The following MTRF1 variants were observed in gnomAD, a reference collection of about 807,000 sequenced individuals.
The protein encoded by MTRF1 is mitochondrial translation release factor 1.
MTRF1 carries 51 observed loss-of-function variants against 62.9 expected under a neutral mutation model. The observed-to-expected ratio is 0.81, with a 90% CI of 0.65 to 1.02. The LOEUF (loss-of-function observed/expected upper bound fraction) is 1.02, where lower values mean the gene tolerates loss of function less well. MTRF1 is among the 50% of genes least tolerant of loss of function. The probability of loss-of-function intolerance (pLI) is 0.00; values close to 1 mark genes in which losing one functional copy is unlikely to be tolerated. For missense variants in MTRF1, 446 were observed against 530.0 expected, an observed-to-expected ratio of 0.84 and a Z score of 1.56; for synonymous variants, 158 against 181.9, an observed-to-expected ratio of 0.87 and a Z score of 1.06.
At chr13:41,217,389 C>T (rs986496686) in intron 9 of MTRF1, among the ~76,000 whole-genome samples, 161 bp from the exon 10 acceptor site, 4 of 152,146 alleles carry the variant, frequency 2.6e-5, no homozygotes, top group African/African-American at 9.7e-5. Context: ...TGGGAAGATC[C>T]CCACTCTGTA....
the MTRF1 span, among the ~76,000 whole-genome samples, chr13:41,275,498 CTT>C: frequency 7.2e-6 from 1 of 139,220 alleles, no homozygotes; most frequent in African/African-American, 2.6e-5. Context: ...CCGTGCCCGG[CTT>C]TTTTTTTTTG....
At chr13:41,250,683 G>A (rs1361622504) in intron 5 of MTRF1, among the ~76,000 whole-genome samples, 1 of 152,050 alleles carries the variant, frequency 6.6e-6, no homozygotes, top group Non-Finnish European at 1.5e-5. Flanking sequence ...TAGTACAGAC[G>A]GGGTTTTACC....
In MTRF1 at chr13:41,252,647, T is replaced by C. The variant is rs746058316; in HGVS notation, c.695A>G (p.Tyr232Cys). The C allele has an allele frequency of 1.2e-6, 2 of 1,608,120 alleles. No homozygotes were observed. The highest frequency in any genetic ancestry group is 3.3e-4 in the Middle Eastern group (2 of 6,042). The change falls in exon 5 of 10, where the codon TAT becomes TGT. Residue 232 changes from tyrosine to cysteine, a missense_variant and splice_region_variant. Transcript: ENST00000379480. The part of the protein sequence containing the change: ...FELLNYTPAD[Y>C]GGLHHAAARI... Reference sequence around the variant, plus strand: ...GGCAAATTCCTCAATATGCCTACCATAATCTGCTGGTGTATAATTCAGAAG... The same window carrying C: ...GGCAAATTCCTCAATATGCCTACCACAATCTGCTGGTGTATAATTCAGAAG...
chr13:41,311,313 C>A, the MTRF1 span: 2 of 552,194 alleles, frequency 3.6e-6, no homozygotes, highest in Non-Finnish European at 6.3e-6. Context: ...AAAAGCGGAG[C>A]CCAGGGGAAG....
intron 5 of MTRF1, among the ~76,000 whole-genome samples, chr13:41,245,075 T>A (rs1036165821): frequency 2.0e-5 from 3 of 152,168 alleles, no homozygotes; most frequent in Non-Finnish European, 2.9e-5. Flanking sequence ...TTCAAAAAAA[T>A]TTTCCTTTTT....
chr13:41,244,511 C>A (rs1272520422), intron 5 of MTRF1, among the ~76,000 whole-genome samples: 1 of 152,120 alleles, frequency 6.6e-6, no homozygotes, highest in East Asian at 1.9e-4. Flanking sequence ...TCAAGGGTGG[C>A]CCCCCAGGAT....
At position 41,226,520 on chromosome 13, in the gene MTRF1, T is replaced by G. The variant is rs941775488; in HGVS notation, c.1037A>C (p.Glu346Ala). Residue 346 changes from glutamate to alanine, a missense_variant, in exon 8 of 10, where the codon GAA becomes GCA. Physicochemically the swap from Glu to Ala is moderately radical, Grantham distance 107. Coordinates refer to ENST00000379480, the MANE Select transcript of MTRF1 (RefSeq NM_004294.4). ...QQERSQIKNK[E>A]IAFRVLRARL... is the part of the protein sequence containing the mutation. ...AGCTCTCAACACACGAAAGGCTATT[T>G]CTTTATTTTTTATCTGTGATCTTTC... 1.2e-6 allele frequency: 2 copies of G among 1,613,874 alleles called. No individual in the cohort carries two copies. The highest frequency in any genetic ancestry group is 2.7e-5 in the African/African-American group (2 of 74,938).
At chr13:41,289,647 A>G in the MTRF1 span, among the ~76,000 whole-genome samples, 1 of 152,192 alleles carries the variant, frequency 6.6e-6, no homozygotes, top group African/African-American at 2.4e-5. Flanking sequence ...GGTCATGGTC[A>G]CTGTTTGATG....
chr13:41,302,177 C>T, the MTRF1 span, among the ~76,000 whole-genome samples: 4 of 152,032 alleles, frequency 2.6e-5, no homozygotes, highest in Non-Finnish European at 4.4e-5. Flanking sequence ...CAGGTACCCA[C>T]CACCACCATG....
chr13:41,294,917 A>G, the MTRF1 span, among the ~76,000 whole-genome samples: 1 of 152,198 alleles, frequency 6.6e-6, no homozygotes, highest in Non-Finnish European at 1.5e-5. Context: ...TGTTAGAATA[A>G]AGCAAGTTTT....
At chr13:41,218,184 C>A (rs9590575) in intron 9 of MTRF1, among the ~76,000 whole-genome samples, 1 of 150,538 alleles carries the variant, frequency 6.6e-6, no homozygotes, top group African/African-American at 2.4e-5. Flanking sequence ...GGTGTGATCT[C>A]GGCTCACTGC....
chr13:41,308,430 G>A, the MTRF1 span, among the ~76,000 whole-genome samples: 3 of 152,222 alleles, frequency 2.0e-5, no homozygotes, highest in Non-Finnish European at 4.4e-5. Flanking sequence ...TTCTGATGAT[G>A]TAGATAAATG....
chr13:41,311,620 CCGGGTCCT>C, the MTRF1 span: 3 of 1,584,600 alleles, frequency 1.9e-6, no homozygotes, highest in South Asian at 1.1e-5. Context: ...CCCCCGGTCC[CCGGGTCCT>C]CGGGCCTTAA....
At chr13:41,255,778 G>A (rs1456482325) in intron 2 of MTRF1, among the ~76,000 whole-genome samples, 3 of 152,114 alleles carry the variant, frequency 2.0e-5, no homozygotes, top group Admixed American at 6.5e-5. Context: ...GCCTTTTTCT[G>A]TTATTTCCAA....
chr13:41,233,814 T>C (rs3751344), intron 7 of MTRF1, 76 bp downstream of exon 7: 743,562 of 1,156,978 alleles, frequency 0.64, 240,211 homozygotes, highest in Admixed American at 0.67. Context: ...CAGACACTCA[T>C]ATAGGACTAT....
At chr13:41,292,130 A>C in the MTRF1 span, among the ~76,000 whole-genome samples, 368 of 152,354 alleles carry the variant, frequency 2.4e-3, 3 homozygotes, top group South Asian at 8.9e-3. Flanking sequence ...GAAGAGAGAG[A>C]GAGCGAGAGA....
At chr13:41,291,791 G>A in the MTRF1 span, among the ~76,000 whole-genome samples, 1 of 152,068 alleles carries the variant, frequency 6.6e-6, no homozygotes, top group Non-Finnish European at 1.5e-5. Context: ...TTTCTAAACT[G>A]GGACTGATAA....
In MTRF1 at chr13:41,217,147, G is replaced by T. The variant is rs1009809676; in HGVS notation, c.1306C>A (p.Leu436Ile). The change falls in exon 10 of 10, where the codon CTT (leucine) becomes ATT (isoleucine). Residue 436 changes from leucine to isoleucine, a missense_variant. By Grantham distance (5) the Leu-to-Ile change is conservative (BLOSUM62 2). Coordinates refer to ENST00000379480, the MANE Select transcript of MTRF1 (RefSeq NM_004294.4). ...QSADEEAIAE[L>I]LDEHLKSAK ...GCTGATTTAAGGTGTTCATCCAAAA[G>T]TTCAGCAATGGCTTCTTCATCTGCT... 6.2e-7 allele frequency: 1 copy of T among 1,607,594 alleles called. No individual in the cohort carries two copies. The highest frequency in any genetic ancestry group is 1.3e-5 in the African/African-American group (1 of 74,838).
the MTRF1 span, chr13:41,311,366 G>C: frequency 3.1e-6 from 2 of 643,630 alleles, no homozygotes; most frequent in Non-Finnish European, 5.4e-6. Flanking sequence ...TGCCACCCGT[G>C]CCGAACAGCC....
Sources: allele counts gnomAD v4.1 joint callset (sites outside exome capture counted in the v4.1 genomes callset), GRCh38; gene constraint gnomAD v4.1.1; transcripts MANE v1.5; gene names NCBI Gene and HGNC (gene_info 2026-07-23, HGNC 2026-07-21).